Variants in GID4 observed in about 807,000 individuals in gnomAD.
GID4 encodes the protein GID complex subunit 4 homolog.
GID4 carries 7 observed loss-of-function variants against 32.4 expected under a neutral mutation model. That is an observed-to-expected ratio of 0.22 (90% CI 0.12 to 0.41). GID4 has a LOEUF of 0.41. Among genes scored for constraint, GID4 ranks in the 10% least tolerant of loss-of-function variants. The pLI, the probability that GID4 is intolerant of heterozygous loss-of-function variation, is 1.00. For missense variants in GID4, 309 were observed against 400.0 expected (o/e 0.77, Z 1.94); for synonymous variants, 166 against 170.0 (o/e 0.98, Z 0.18).
chr17:18,053,962 C>T (rs2044939594), intron 2 of GID4, among the ~76,000 whole-genome samples, 165 bp from the exon 3 acceptor site: 1 of 152,138 alleles, frequency 6.6e-6, no homozygotes, highest in Non-Finnish European at 1.5e-5. Flanking sequence ...AGGTCCATTG[C>T]CACAGCCTGT....
At chr17:18,047,554 C>T (rs1263621440) in intron 2 of GID4, among the ~76,000 whole-genome samples, 1 of 152,226 alleles carries the variant, frequency 6.6e-6, no homozygotes, top group Non-Finnish European at 1.5e-5. Flanking sequence ...GAGCAGCAGT[C>T]AGGCTCCTTT....
At chr17:18,041,765 T>C (rs567381519) in intron 1 of GID4, among the ~76,000 whole-genome samples, 37 of 152,344 alleles carry the variant, frequency 2.4e-4, no homozygotes, top group African/African-American at 8.2e-4. Context: ...GAGTCTGCTT[T>C]GGCTACTGCA....
At chr17:18,042,915 TTTG>T (rs374033270) in intron 1 of GID4, among the ~76,000 whole-genome samples, 8 of 152,314 alleles carry the variant, frequency 5.3e-5, no homozygotes, top group South Asian at 2.1e-4. Flanking sequence ...TTCTTGTGTT[TTTG>T]TTGTTGTTGT....
intron 1 of GID4, among the ~76,000 whole-genome samples, chr17:18,040,950 A>G (rs2044794733): frequency 6.6e-6 from 1 of 152,002 alleles, no homozygotes; most frequent in Admixed American, 6.5e-5. Flanking sequence ...GGCCTTTCCC[A>G]CACCTCACTC....
Position 18,067,185 on chromosome 17 carries a change from A to G in GID4, c.*1942A>G, listed in dbSNP as rs1434016550. 1 of 152,286 alleles carries G rather than the reference A, an allele frequency of 6.6e-6. No homozygotes were observed. The highest frequency in any genetic ancestry group is 2.4e-5 in the African/African-American group (1 of 41,432). The allele number at this position is 152,286 out of a possible 1,614,324, so 9.4% of individuals were successfully genotyped here. On this transcript the variant is annotated 3_prime_UTR_variant, in exon 6 of 6. Coordinates refer to ENST00000268719, the MANE Select transcript of GID4 (RefSeq NM_024052.5). ...TGCTGTCCTTCCTGCCGTACGTGCCATTCCACTCTCTTCAGCTCTCCCCTC... is the reference window on the plus strand; with the variant it reads ...TGCTGTCCTTCCTGCCGTACGTGCCGTTCCACTCTCTTCAGCTCTCCCCTC...
At position 18,066,884 on chromosome 17, in the gene GID4, TTA is replaced by T. The variant is rs2045068883; in HGVS notation, c.*1643_*1644del. On this transcript the variant is annotated 3_prime_UTR_variant, in exon 6 of 6. Coordinates refer to ENST00000268719, the MANE Select transcript of GID4 (RefSeq NM_024052.5). ...GGGCACTTGTGATATCTAAAATCTG[TTA>T]TCCCAGGACTGTGTACAGAGGGGCA... 1 of 152,244 alleles carries T rather than the reference TTA, an allele frequency of 6.6e-6. No individual in the cohort carries two copies. Among genetic ancestry groups the T allele is most frequent in the South Asian group, 2.1e-4 (1 of 4,830 alleles). The allele number at this position is 152,244 out of a possible 1,614,324, so 9.4% of individuals were successfully genotyped here.
At chr17:18,054,012 A>G in intron 2 of GID4, 115 bp from the exon 3 acceptor site, 2 of 543,240 alleles carry the variant, frequency 3.7e-6, no homozygotes, top group East Asian at 3.1e-5. Flanking sequence ...TTGGATTGTC[A>G]GGTAGCAGTG....
intron 2 of GID4, 38 bp from the exon 3 acceptor site, chr17:18,054,089 C>G: frequency 8.6e-7 from 1 of 1,164,798 alleles, no homozygotes; most frequent in Non-Finnish European, 1.3e-6. Flanking sequence ...AAAACTCTCA[C>G]TCAACATCTT....
chr17:18,049,472 A>C (rs1348176904), intron 2 of GID4, among the ~76,000 whole-genome samples: 1 of 151,640 alleles, frequency 6.6e-6, no homozygotes, highest in Non-Finnish European at 1.5e-5. Flanking sequence ...TTGGGTGTAC[A>C]TGCGCAGGTT....
Position 18,039,414 on chromosome 17 carries a change from G to GTGTCTGTGTGTGTT in GID4, c.-47_-34dup, listed in dbSNP as rs1467933180. ...CAATCGGAAGGGGCGGGGTGTGTGT[G>GTGTCTGTGTGTGTT]TGTCTGTGTGTGTTTGTGTGTTGTG... On this transcript the variant is annotated 5_prime_UTR_variant, in exon 1 of 6. Transcript: ENST00000268719. This position sits in a 1 kb window ranked among gnomAD's most constrained non-coding sequence, Gnocchi z 5.3. The GTGTCTGTGTGTGTT allele has an allele frequency of 8.7e-6, 11 of 1,266,622 alleles. No individual in the cohort carries two copies. The Admixed American group carries it at 3.0e-4, about 34-fold the overall frequency. The allele number at this position is 1,266,622 out of a possible 1,614,324, so 78.5% of individuals were successfully genotyped here.
At chr17:18,059,403 G>A (rs1008850538) in intron 4 of GID4, among the ~76,000 whole-genome samples, 2 of 152,066 alleles carry the variant, frequency 1.3e-5, no homozygotes, top group Non-Finnish European at 2.9e-5. Context: ...CCATCCGTGG[G>A]CCAGGTGCCC....
intron 1 of GID4, among the ~76,000 whole-genome samples, chr17:18,042,622 T>G (rs2044813566): frequency 6.6e-6 from 1 of 152,270 alleles, no homozygotes; most frequent in Non-Finnish European, 1.5e-5. Flanking sequence ...GCTATGAACA[T>G]TTATGTACAA....
At chr17:18,042,323 C>T (rs75239583) in intron 1 of GID4, among the ~76,000 whole-genome samples, 2 of 152,208 alleles carry the variant, frequency 1.3e-5, no homozygotes, top group African/African-American at 4.8e-5. Flanking sequence ...CCATAACCCC[C>T]ACTCCAATCC....
At chr17:18,057,911 G>A (rs1402898644) in intron 3 of GID4, among the ~76,000 whole-genome samples, 2 of 151,614 alleles carry the variant, frequency 1.3e-5, no homozygotes, top group Non-Finnish European at 2.9e-5. Context: ...TCGGCTCATT[G>A]CAAGCTCCGC....
chr17:18,058,115 G>A (rs2044986737), intron 3 of GID4, among the ~76,000 whole-genome samples: 1 of 152,214 alleles, frequency 6.6e-6, no homozygotes, highest in African/African-American at 2.4e-5. Flanking sequence ...TTACAGGCGT[G>A]AGCCCCCACA....
chr17:18,063,723 T>C (rs2045036836), intron 5 of GID4, among the ~76,000 whole-genome samples: 1 of 152,176 alleles, frequency 6.6e-6, no homozygotes, highest in African/African-American at 2.4e-5. Flanking sequence ...TTATTGCCAA[T>C]TAATTTTCCA....
intron 5 of GID4, among the ~76,000 whole-genome samples, chr17:18,064,043 G>A (rs905376987): frequency 5.3e-5 from 8 of 151,962 alleles, no homozygotes; most frequent in African/African-American, 1.2e-4. Context: ...GTGCCCGGCC[G>A]GTATATACCA....
chr17:18,043,406 G>T (rs1259632262), intron 1 of GID4, among the ~76,000 whole-genome samples: 1 of 152,214 alleles, frequency 6.6e-6, no homozygotes. Context: ...CTTTTCAGCA[G>T]CTGTGAAACT....
At chr17:18,062,980 A>G (rs1291318179) in intron 5 of GID4, among the ~76,000 whole-genome samples, 4 of 152,030 alleles carry the variant, frequency 2.6e-5, no homozygotes, top group Non-Finnish European at 4.4e-5. Context: ...AGTCTGAGGC[A>G]GGAGAATGGC....
Sources: allele counts gnomAD v4.1 joint callset (sites outside exome capture counted in the v4.1 genomes callset), GRCh38; gene constraint gnomAD v4.1.1; non-coding constraint Gnocchi (gnomAD v3.1); transcripts MANE v1.5; gene names NCBI Gene and HGNC (gene_info 2026-07-23, HGNC 2026-07-21).